SCN3A: variants seen among roughly 807,000 people sequenced by gnomAD.
The protein encoded by SCN3A is sodium voltage-gated channel alpha subunit 3.
A neutral mutation model predicts 187.6 loss-of-function variants in SCN3A; 60 were observed. The ratio of observed to expected loss-of-function variants is 0.32; its 90% CI spans 0.26 to 0.40. SCN3A has a LOEUF of 0.40. Ranked by LOEUF, SCN3A falls within the 10% of genes least tolerant of loss-of-function variation. The probability of loss-of-function intolerance (pLI) is 1.00; values close to 1 mark genes in which losing one functional copy is unlikely to be tolerated. For synonymous variants in SCN3A, 788 were observed against 829.2 expected, an observed-to-expected ratio of 0.95 and a Z score of 0.85; for missense variants, 1,601 against 2,428.2, an observed-to-expected ratio of 0.66 and a Z score of 7.16.
intron 13 of SCN3A, 24 bp from the exon 14 acceptor site, chr2:165,139,632 C>T: frequency 6.2e-7 from 1 of 1,613,384 alleles, no homozygotes; most frequent in East Asian, 2.2e-5. Flanking sequence ...ACTGATGGCT[C>T]AAACCACTCT....
chr2:165,127,600 A>C (rs771798172), intron 18 of SCN3A, 31 bp downstream of exon 18: 1 of 1,560,026 alleles, frequency 6.4e-7, no homozygotes, highest in Admixed American at 1.7e-5. Context: ...TATCATAGGA[A>C]ATGGAACAAA....
chr2:165,099,560 T>C (rs949102692), intron 22 of SCN3A, among the ~76,000 whole-genome samples: 3 of 151,900 alleles, frequency 2.0e-5, no homozygotes, highest in Non-Finnish European at 4.4e-5. Context: ...CTACTAAAAA[T>C]ACAAAAAATT....
intron 7 of SCN3A, 142 bp from the exon 8 acceptor site, chr2:165,162,970 G>C: frequency 2.0e-6 from 2 of 987,490 alleles, no homozygotes; most frequent in Admixed American, 1.9e-5. Context: ...TGATGATTTG[G>C]GAAATAGATG....
chr2:165,170,606 TTACA>T (rs1307465751), intron 3 of SCN3A, 58 bp from the exon 4 acceptor site: 5 of 1,029,292 alleles, frequency 4.9e-6, no homozygotes, highest in Non-Finnish European at 7.6e-6. Context: ...TTTAAAGAGC[TTACA>T]TACATGAAGA....
In SCN3A at chr2:165,162,233, A is replaced by G. The variant is rs73021824; in HGVS notation, c.1031+75T>C. On this transcript the variant is annotated intron_variant, in intron 9 of 27. Coordinates refer to ENST00000283254, the MANE Select transcript of SCN3A (RefSeq NM_006922.4). ...ACATGGTAAGGCTACACATATAACC[A>G]TGTAGTTGTTTTCCTACCTACTTTT... 4,358 of 1,299,892 alleles carry G rather than the reference A, an allele frequency of 3.4e-3. 97 individuals are homozygous for G. In the African/African-American group the frequency reaches 0.056, roughly 17 times the overall value. The allele number at this position is 1,299,892 out of a possible 1,614,324, so 80.5% of individuals were successfully genotyped here.
At chr2:165,137,516 A>G (rs145894145) in intron 15 of SCN3A, among the ~76,000 whole-genome samples, 1 of 152,192 alleles carries the variant, frequency 6.6e-6, no homozygotes, top group African/African-American at 2.4e-5. Context: ...CATCCCTTCA[A>G]TGGACATGAT....
chr2:165,179,566 A>G (rs1690704360), intron 2 of SCN3A: 1 of 152,240 alleles, frequency 6.6e-6, no homozygotes. Context: ...TTATTTACTT[A>G]TCAAGGGCTG....
At chr2:165,168,112 T>TG (rs1241244569) in intron 5 of SCN3A, among the ~76,000 whole-genome samples, 1 of 152,094 alleles carries the variant, frequency 6.6e-6, no homozygotes, top group Non-Finnish European at 1.5e-5. Context: ...ATGGTTTCTA[T>TG]GTTGTATTCT....
chr2:165,166,577 C>T (rs889013097), intron 5 of SCN3A, among the ~76,000 whole-genome samples: 5 of 152,210 alleles, frequency 3.3e-5, no homozygotes, highest in African/African-American at 1.2e-4. Context: ...ATTCCCCTCA[C>T]TATATAATAT....
intron 21 of SCN3A, among the ~76,000 whole-genome samples, chr2:165,106,297 A>G (rs1685854038): frequency 6.6e-6 from 1 of 152,212 alleles, no homozygotes; most frequent in Non-Finnish European, 1.5e-5. Flanking sequence ...TTAATTTGGC[A>G]ATTTAAAGAT....
At position 165,112,741 on chromosome 2, in the gene SCN3A, C is replaced by G. The variant is rs554716742; in HGVS notation, c.3843+144G>C. On this transcript the variant is annotated intron_variant, in intron 21 of 27. Transcript: ENST00000283254. ...CTCTACTCTTTCCCATGAGATATTC[C>G]TCATTGTTGCATATGTTACAGTTTT... The G allele has an allele frequency of 2.6e-5, 19 of 718,298 alleles. 1 individual carries two copies. In the South Asian group the frequency reaches 3.2e-4, roughly 12 times the overall value. 44.5% of individuals were successfully genotyped at this position (718,298 alleles called of 1,614,324 possible). A position where few individuals can be genotyped will look rare whatever the true frequency, so the allele number is the denominator to read the frequency against.
chr2:165,180,289 C>A lies in SCN3A; in HGVS notation c.-50-3845G>T, dbSNP rs533466045. On this transcript the variant is annotated intron_variant, in intron 2 of 27. Transcript: ENST00000283254. ...TCAGTACTCTGTTTGAACCAGGAAC[C>A]CATGGTCACTTCCCTGGGGCTGAGA... Among the ~76,000 whole-genome samples, 16 of 152,216 alleles carry A rather than the reference C, an allele frequency of 1.1e-4. No individual in the cohort carries two copies. In the South Asian group the frequency reaches 3.1e-3, roughly 30 times the overall value.
chr2:165,185,018 T>A (rs1691141226), intron 2 of SCN3A, among the ~76,000 whole-genome samples: 1 of 151,936 alleles, frequency 6.6e-6, no homozygotes, highest in Non-Finnish European at 1.5e-5. Context: ...AACGAGATGA[T>A]CTATTTCTGT....
At chr2:165,196,926 AT>A (rs1195613623) in intron 1 of SCN3A, among the ~76,000 whole-genome samples, 20 of 152,110 alleles carry the variant, frequency 1.3e-4, no homozygotes, top group African/African-American at 4.8e-4. Flanking sequence ...CCAGATAGCA[AT>A]TTGTAAGTAA....
At chr2:165,169,534 C>T (rs565866430) in intron 4 of SCN3A, among the ~76,000 whole-genome samples, 1 of 151,642 alleles carries the variant, frequency 6.6e-6, no homozygotes, top group African/African-American at 2.4e-5. Context: ...GGATCTAAGT[C>T]CAGACTTCCC....
chr2:165,163,729 A>C lies in SCN3A; in HGVS notation c.603-20T>G. 6.2e-7 allele frequency: 1 copy of C among 1,614,036 alleles called. No individual in the cohort carries two copies. The highest frequency in any genetic ancestry group is 8.5e-7 in the Non-Finnish European group (1 of 1,179,948). ...ACATATCTGTAATAGGGGAGTTCAC[A>C]CACAAACACAATAACACACAAGAAA... On this transcript the variant is annotated intron_variant, in intron 6 of 27. Transcript: ENST00000283254.
In SCN3A at chr2:165,108,149, T is replaced by G. The variant is rs16850101; in HGVS notation, c.3843+4736A>C. ...TCAGGGTAGTAATTTTCACTATTATTATGTAAGGCTCTTAATTAGTGCCAT... is the reference window on the plus strand; with the variant it reads ...TCAGGGTAGTAATTTTCACTATTATGATGTAAGGCTCTTAATTAGTGCCAT... On this transcript the variant is annotated intron_variant, in intron 21 of 27. Transcript: ENST00000283254. Among the ~76,000 whole-genome samples, 690 of 152,286 alleles carry G rather than the reference T, an allele frequency of 4.5e-3. 6 individuals are homozygous for G. The highest frequency in any genetic ancestry group is 0.02 in the East Asian group (102 of 5,172).
chr2:165,134,074 T>C (rs888647092), intron 15 of SCN3A, among the ~76,000 whole-genome samples: 1 of 152,118 alleles, frequency 6.6e-6, no homozygotes, highest in Non-Finnish European at 1.5e-5. Flanking sequence ...AATGGATTAA[T>C]AGAGCAAGAA....
At chr2:165,111,526 CACACAT>C (rs1450143337) in intron 21 of SCN3A, among the ~76,000 whole-genome samples, 4 of 117,946 alleles carry the variant, frequency 3.4e-5, no homozygotes, top group Non-Finnish European at 3.7e-5. Flanking sequence ...CACACACACA[CACACAT>C]TTACCTATTA....
Sources: gnomAD v4.1 joint callset for allele counts (sites outside exome capture counted in the v4.1 genomes callset) on GRCh38, gnomAD v4.1.1 for gene constraint, MANE v1.5 for transcripts, NCBI Gene and HGNC (gene_info 2026-07-23, HGNC 2026-07-21) for gene names.